LCT: variants seen among roughly 807,000 people sequenced by gnomAD.
LCT encodes the protein lactase/phlorizin hydrolase.
A neutral mutation model predicts 173.0 loss-of-function variants in LCT; 90 were observed. The ratio of observed to expected loss-of-function variants is 0.52; its 90% CI spans 0.44 to 0.62. The LOEUF is 0.62. Among genes scored for constraint, LCT ranks in the 20% least tolerant of loss-of-function variants. The pLI, the probability that LCT is intolerant of heterozygous loss-of-function variation, is 0.00. For synonymous variants in LCT, 853 were observed against 957.6 expected, an observed-to-expected ratio of 0.89 and a Z score of 2.02; for missense variants, 1,864 against 2,431.4, an observed-to-expected ratio of 0.77 and a Z score of 4.91.
chr2:135,801,420 A>G (rs1455472762), intron 11 of LCT, among the ~76,000 whole-genome samples: 1 of 152,068 alleles, frequency 6.6e-6, no homozygotes, highest in African/African-American at 2.4e-5. Flanking sequence ...TTTAAAACTT[A>G]AAAGACAACC....
In LCT at chr2:135,812,578, G is replaced by C. The variant is rs751065558; in HGVS notation, c.2086C>G (p.Gln696Glu). Residue 696 changes from glutamine to glutamate, a missense_variant, in exon 7 of 17, where the codon CAA (glutamine) becomes GAA (glutamate). Around this residue, in one of 4 missense-constraint regions of LCT, gnomAD observed 755 missense variants for 926.3 expected, o/e 0.82. Coordinates refer to ENST00000264162, the MANE Select transcript of LCT (RefSeq NM_002299.4). Reference protein sequence around the residue: ...YTSRLISNAPQNTCIPSYDTI... With the variant: ...YTSRLISNAPENTCIPSYDTI... The stretch of plus-strand genomic sequence containing the variant: ...TCATAGCTAGGGATGCAGGTGTTTT[G>C]TGGGGCGTTGCTGATGAGGCGGGAG... The C allele has an allele frequency of 6.2e-7, 1 of 1,613,498 alleles. No individual in the cohort carries two copies. Among genetic ancestry groups the C allele is most frequent in the Non-Finnish European group, 8.5e-7 (1 of 1,179,410 alleles).
chr2:135,836,018 A>ATG (rs1679353113), intron 1 of LCT, among the ~76,000 whole-genome samples: 1 of 61,146 alleles, frequency 1.6e-5, no homozygotes, highest in African/African-American at 4.6e-5. Flanking sequence ...ATATATATGT[A>ATG]TACATATTTT....
chr2:135,811,573 G>A (rs1452307199), intron 7 of LCT, among the ~76,000 whole-genome samples: 1 of 152,106 alleles, frequency 6.6e-6, no homozygotes, highest in African/African-American at 2.4e-5. Flanking sequence ...CAGTGTGGCT[G>A]GAGCAATGAG....
Position 135,809,753 on chromosome 2 carries a change from G to C in LCT, c.2594C>G (p.Ser865Cys), listed in dbSNP as rs1310024345. ...LLPPNTVNLPSKVRAFTFPSE... is the reference protein window; with the variant it reads ...LLPPNTVNLPCKVRAFTFPSE... The stretch of plus-strand genomic sequence containing the variant: ...TGGAAAAGTGAAGGCTCTGACTTTG[G>C]AGGGGAGGTTTACTGTATTAGGTGG... Residue 865 changes from serine to cysteine, a missense_variant, in exon 8 of 17, where the codon TCC becomes TGC. Physicochemically the swap from Ser to Cys is moderately radical, Grantham distance 112 (BLOSUM62 -1). Transcript: ENST00000264162. This position sits in a 1 kb window ranked among gnomAD's most constrained non-coding sequence, Gnocchi z 5.5. 7 of 1,614,222 alleles carry C rather than the reference G, an allele frequency of 4.3e-6. No homozygotes were observed. The highest frequency in any genetic ancestry group is 5.1e-6 in the Non-Finnish European group (6 of 1,180,036).
intron 13 of LCT, among the ~76,000 whole-genome samples, chr2:135,795,640 G>A (rs1484161189): frequency 2.2e-5 from 3 of 134,116 alleles, no homozygotes; most frequent in Non-Finnish European, 4.7e-5. Context: ...AATAATAATA[G>A]CTTCAAGATC....
At chr2:135,788,627 C>A in intron 16 of LCT, 83 bp from the exon 17 acceptor site, 1 of 896,672 alleles carries the variant, frequency 1.1e-6, no homozygotes, top group South Asian at 1.3e-5. Context: ...AGAGGCTGCA[C>A]GGTACCCCAA....
At chr2:135,822,712 T>C (rs1221167693) in intron 4 of LCT, 1 of 158,218 alleles carries the variant, frequency 6.3e-6, no homozygotes, top group Non-Finnish European at 1.4e-5. Flanking sequence ...GGTCCAGGTG[T>C]GCTATGGTTT....
chr2:135,789,320 G>T (rs1287758905), intron 16 of LCT, among the ~76,000 whole-genome samples: 1 of 152,236 alleles, frequency 6.6e-6, no homozygotes, highest in Non-Finnish European at 1.5e-5. Context: ...GGTAGGGCTG[G>T]AAGAAGAGTC....
At chr2:135,802,847 C>T (rs1437355567) in intron 11 of LCT, among the ~76,000 whole-genome samples, 1 of 152,154 alleles carries the variant, frequency 6.6e-6, no homozygotes, top group African/African-American at 2.4e-5. Flanking sequence ...TGCAGTGGCT[C>T]ACATCTGTAA....
chr2:135,824,057 A>G (rs778454329), intron 3 of LCT, 54 bp from the exon 4 acceptor site: 287 of 1,171,672 alleles, frequency 2.4e-4, no homozygotes, highest in Non-Finnish European at 1.9e-4. Flanking sequence ...AAGCATCTTG[A>G]TAACAGGGAC....
intron 4 of LCT, 96 bp downstream of exon 4, chr2:135,823,805 C>T: frequency 1.2e-6 from 1 of 825,988 alleles, no homozygotes; most frequent in Admixed American, 1.9e-5. Flanking sequence ...CTCCCATGCT[C>T]CTCCTCCCAT....
intron 2 of LCT, among the ~76,000 whole-genome samples, chr2:135,832,822 T>A (rs1299189618): frequency 6.6e-6 from 1 of 152,042 alleles, no homozygotes; most frequent in African/African-American, 2.4e-5. Context: ...CCCTAGTACC[T>A]GTTTTGCCAT....
rs761952690 is a variant in LCT at position 135,836,627 on chromosome 2, C to G, written c.543G>C (p.Glu181Asp). The G allele has an allele frequency of 3.7e-6, 6 of 1,613,946 alleles. No homozygotes were observed. Among genetic ancestry groups the G allele is most frequent in the Non-Finnish European group, 5.1e-6 (6 of 1,179,940 alleles). ...TFSDLEEVIKELPHQESRASQ... is the reference protein window; with the variant it reads ...TFSDLEEVIKDLPHQESRASQ... ...ACGCTCTTGATTCCTGGTGGGGAAG[C>G]TCCTTGATCACTTCCTCCAAGTCAC... The change falls in exon 1 of 17, where the codon GAG becomes GAC. Residue 181 changes from glutamate (E) to aspartate (D), a missense_variant. Coordinates refer to ENST00000264162, the MANE Select transcript of LCT (RefSeq NM_002299.4).
chr2:135,800,721 A>G lies in LCT; in HGVS notation c.4752T>C (p.Asp1584=), dbSNP rs1283992157. ...CGCCACCTTGACTGGCGCGGTACAC[A>G]TCGTTGTACAGATGCCAGGCCTCAG... ...AHAEAWHLYN[D]VYRASQGGVI... is the part of the protein sequence containing the mutation. The change falls in exon 12 of 17, where the codon GAT becomes GAC. Residue 1584 remains aspartate, a synonymous_variant. Transcript: ENST00000264162. 6.2e-7 allele frequency: 1 copy of G among 1,614,132 alleles called. No individual in the cohort carries two copies. The highest frequency in any genetic ancestry group is 1.3e-5 in the African/African-American group (1 of 75,064).
Position 135,837,023 on chromosome 2 carries a change from G to A in LCT, c.147C>T (p.Asp49=), listed in dbSNP as rs984134784. ...LLHNLSGLLG[D]QSSNFVAGDK... ...CCCCTGCTACAAAGTTAGAACTCTG[G>A]TCTCCCAGGAGACCACTCAGGTTGT... The change falls in exon 1 of 17, where the codon GAC becomes GAT. Residue 49 remains aspartate (D), a synonymous_variant. Coordinates refer to ENST00000264162, the MANE Select transcript of LCT (RefSeq NM_002299.4). 2 of 1,614,080 alleles carry A rather than the reference G, an allele frequency of 1.2e-6. No homozygotes were observed. Among genetic ancestry groups the A allele is most frequent in the Non-Finnish European group, 1.7e-6 (2 of 1,180,014 alleles).
intron 12 of LCT, among the ~76,000 whole-genome samples, chr2:135,799,834 A>C (rs915383638): frequency 6.6e-6 from 1 of 152,226 alleles, no homozygotes; most frequent in African/African-American, 2.4e-5. Flanking sequence ...TTGGCAAATT[A>C]GGGGCACTAA....
In LCT at chr2:135,790,930, A is replaced by G. The variant is rs2105517398; in HGVS notation, c.5112-49T>C. 7.1e-7 allele frequency: 1 copy of G among 1,402,966 alleles called. No individual in the cohort carries two copies. Among genetic ancestry groups the G allele is most frequent in the East Asian group, 2.3e-5 (1 of 43,888 alleles). The allele number at this position is 1,402,966 out of a possible 1,614,324, so 86.9% of individuals were successfully genotyped here. ...GAGGTCTTGTTTTGTAAATCTCAAG[A>G]GGCCCTTTACACGAAACACAAAACA... On this transcript the variant is annotated intron_variant, in intron 14 of 16. Coordinates refer to ENST00000264162, the MANE Select transcript of LCT (RefSeq NM_002299.4). This position sits in a 1 kb window ranked among gnomAD's most constrained non-coding sequence, Gnocchi z 4.1.
At chr2:135,815,870 T>C (rs1406451056) in intron 6 of LCT, among the ~76,000 whole-genome samples, 1 of 152,090 alleles carries the variant, frequency 6.6e-6, no homozygotes, top group Non-Finnish European at 1.5e-5. Context: ...TGGCTAATTT[T>C]TGTATTTTAG....
At chr2:135,805,859 C>T (rs1194719546) in intron 9 of LCT, among the ~76,000 whole-genome samples, 1 of 152,132 alleles carries the variant, frequency 6.6e-6, no homozygotes, top group Non-Finnish European at 1.5e-5. Flanking sequence ...AATAAATCTA[C>T]CGTATGGCCA....
Sources: allele counts gnomAD v4.1 joint callset (sites outside exome capture counted in the v4.1 genomes callset), GRCh38; gene constraint gnomAD v4.1.1; regional missense constraint gnomAD v4.1.1; non-coding constraint Gnocchi (gnomAD v3.1); transcripts MANE v1.5; gene names NCBI Gene and HGNC (gene_info 2026-07-23, HGNC 2026-07-21).